Variants in CPNE4 observed in about 807,000 individuals in gnomAD.
The protein encoded by CPNE4 is copine-4.
Under a neutral mutation model 67.9 loss-of-function variants are expected in CPNE4, and 25 were observed. That is an observed-to-expected ratio of 0.37 (90% confidence interval 0.27 to 0.51). The LOEUF (loss-of-function observed/expected upper bound fraction) is 0.51. Among genes scored for constraint, CPNE4 ranks in the 20% least tolerant of loss-of-function variants. The pLI is 0.93. For synonymous variants in CPNE4, 242 were observed against 244.9 expected (o/e 0.99, Z 0.11); for missense variants, 464 against 690.8 (o/e 0.67, Z 3.68).
intron 1 of CPNE4, among the ~76,000 whole-genome samples, chr3:131,915,976 G>A (rs2089166668): frequency 6.6e-6 from 1 of 152,130 alleles, no homozygotes; most frequent in Admixed American, 6.5e-5. Context: ...ATGTATAAGT[G>A]TAACCGAATA....
chr3:131,699,843 T>A, intron 4 of CPNE4, 66 bp downstream of exon 4: 1 of 1,336,648 alleles, frequency 7.5e-7, no homozygotes, highest in Admixed American at 1.8e-5. Flanking sequence ...AGTGTCTGGT[T>A]TGGGCTGGCC....
intron 2 of CPNE4, among the ~76,000 whole-genome samples, chr3:131,799,863 C>T (rs140937141): frequency 6.6e-6 from 1 of 151,232 alleles, no homozygotes; most frequent in Non-Finnish European, 1.5e-5. Flanking sequence ...CTTTAGTTTC[C>T]GAGATCCTTA....
intron 4 of CPNE4, among the ~76,000 whole-genome samples, chr3:131,699,274 G>T: frequency 6.6e-6 from 1 of 152,314 alleles, no homozygotes; most frequent in East Asian, 1.9e-4. Context: ...CCATATGGTA[G>T]CTGCTAACCA....
chr3:131,640,443 G>A (rs532721528), intron 7 of CPNE4, among the ~76,000 whole-genome samples: 1 of 152,012 alleles, frequency 6.6e-6, no homozygotes, highest in East Asian at 1.9e-4. Context: ...AAATTACTTA[G>A]GAATATACCT....
At chr3:131,675,796 A>G (rs1485727270) in intron 6 of CPNE4, among the ~76,000 whole-genome samples, 1 of 151,698 alleles carries the variant, frequency 6.6e-6, no homozygotes, top group Admixed American at 6.6e-5. Context: ...GTCCCATTAC[A>G]TTCAATGTTA....
chr3:131,826,427 G>A (rs1305888930), intron 2 of CPNE4, among the ~76,000 whole-genome samples: 1 of 152,064 alleles, frequency 6.6e-6, no homozygotes, highest in Non-Finnish European at 1.5e-5. Flanking sequence ...CAAACTCCTA[G>A]GCTCAAGCAA....
chr3:131,791,802 T>C (rs377447128), intron 2 of CPNE4, among the ~76,000 whole-genome samples: 8 of 152,262 alleles, frequency 5.3e-5, no homozygotes, highest in South Asian at 2.1e-4. Flanking sequence ...AGGTAAATTA[T>C]TGATACACTT....
At chr3:131,840,019 C>T (rs2085711643) in intron 2 of CPNE4, among the ~76,000 whole-genome samples, 3 of 152,096 alleles carry the variant, frequency 2.0e-5, no homozygotes, top group African/African-American at 7.2e-5. Context: ...CAGGAGGAAA[C>T]AATCATGAAT....
chr3:132,002,506 C>T (rs997750944), intron 1 of CPNE4, among the ~76,000 whole-genome samples: 1 of 152,078 alleles, frequency 6.6e-6, no homozygotes, highest in African/African-American at 2.4e-5. Context: ...AAAGGTAGCA[C>T]TAAAAGAATG....
intron 2 of CPNE4, among the ~76,000 whole-genome samples, chr3:131,828,482 G>T (rs574027422): frequency 2.0e-5 from 3 of 151,966 alleles, no homozygotes; most frequent in Non-Finnish European, 4.4e-5. Context: ...TCTTTTTATT[G>T]CTGAGTGTTG....
At chr3:131,831,931 G>A (rs1006715209) in intron 2 of CPNE4, among the ~76,000 whole-genome samples, 1 of 152,130 alleles carries the variant, frequency 6.6e-6, no homozygotes, top group South Asian at 2.1e-4. Flanking sequence ...AGATATGACA[G>A]TTAAATAATA....
intron 7 of CPNE4, among the ~76,000 whole-genome samples, chr3:131,589,812 G>A (rs1017179633): frequency 3.3e-5 from 5 of 152,196 alleles, no homozygotes; most frequent in Admixed American, 6.5e-5. Context: ...CCTTTGGTTA[G>A]GAAGGAGAAT....
Position 131,914,831 on chromosome 3 carries a change from C to T in CPNE4, c.-1-9387G>A, listed in dbSNP as rs1391887529. Among the ~76,000 whole-genome samples, 4 of 152,040 alleles carry T rather than the reference C, an allele frequency of 2.6e-5. No homozygotes were observed. In the South Asian group the frequency reaches 6.2e-4, roughly 24 times the overall value. On this transcript the variant is annotated intron_variant, in intron 1 of 15. Transcript: ENST00000429747. ...GTCTCTACTAAAAATACAAAATTAGCTGGGTGTGGTGGTGCATGCCTGTAA... is the reference window on the plus strand; with the variant it reads ...GTCTCTACTAAAAATACAAAATTAGTTGGGTGTGGTGGTGCATGCCTGTAA...
At chr3:131,702,583 C>T (rs1417503640) in intron 3 of CPNE4, among the ~76,000 whole-genome samples, 1 of 152,216 alleles carries the variant, frequency 6.6e-6, no homozygotes, top group Non-Finnish European at 1.5e-5. Flanking sequence ...GCATTGGTCA[C>T]CTACTCCCCT....
intron 1 of CPNE4, among the ~76,000 whole-genome samples, chr3:131,998,009 A>G (rs573832142): frequency 2.4e-4 from 37 of 152,276 alleles, no homozygotes; most frequent in African/African-American, 8.7e-4. Flanking sequence ...CCCACCTCCC[A>G]ACACTGTTGC....
chr3:131,776,598 G>T (rs1011000975), intron 2 of CPNE4, among the ~76,000 whole-genome samples: 2 of 152,110 alleles, frequency 1.3e-5, no homozygotes, highest in African/African-American at 4.8e-5. Context: ...GAGGCCAAGT[G>T]AGAATAATAC....
At chr3:131,780,599 A>G (rs755834985) in intron 2 of CPNE4, among the ~76,000 whole-genome samples, 13 of 152,080 alleles carry the variant, frequency 8.5e-5, no homozygotes, top group Non-Finnish European at 1.8e-4. Flanking sequence ...TACTTCACTT[A>G]TAAGTGGGAG....
At chr3:131,862,583 C>T (rs1014126750) in intron 2 of CPNE4, among the ~76,000 whole-genome samples, 11 of 151,992 alleles carry the variant, frequency 7.2e-5, no homozygotes, top group African/African-American at 2.7e-4. Flanking sequence ...AAATGGTTTC[C>T]TGAAGGCTTA....
At chr3:131,839,926 A>G (rs2085707478) in intron 2 of CPNE4, among the ~76,000 whole-genome samples, 1 of 152,186 alleles carries the variant, frequency 6.6e-6, no homozygotes, top group Non-Finnish European at 1.5e-5. Context: ...TTGCAGTTCA[A>G]TTATCTATCA....
Sources: allele counts gnomAD v4.1 joint callset (sites outside exome capture counted in the v4.1 genomes callset), GRCh38; gene constraint gnomAD v4.1.1; transcripts MANE v1.5; gene names NCBI Gene and HGNC (gene_info 2026-07-23, HGNC 2026-07-21).